HSD17B12: variants seen among roughly 807,000 people sequenced by gnomAD.
The protein encoded by HSD17B12 is hydroxysteroid 17-beta dehydrogenase 12, also known as very-long-chain 3-oxoacyl-CoA reductase.
In HSD17B12, 32 loss-of-function variants were observed where a neutral mutation model predicts 39.3. The ratio of observed to expected loss-of-function variants is 0.81; its 90% CI spans 0.61 to 1.09. The LOEUF (loss-of-function observed/expected upper bound fraction) is 1.09. Ranked by LOEUF, HSD17B12 falls within the 50% of genes least tolerant of loss-of-function variation. The pLI is 0.00. For missense variants in HSD17B12, 342 were observed against 382.9 expected, an observed-to-expected ratio of 0.89 and a Z score of 0.89; for synonymous variants, 150 against 146.7, an observed-to-expected ratio of 1.02 and a Z score of -0.16.
At chr11:43,626,694 T>C in the HSD17B12 span, among the ~76,000 whole-genome samples, 2 of 152,116 alleles carry the variant, frequency 1.3e-5, no homozygotes, top group Non-Finnish European at 1.5e-5. Flanking sequence ...TCAACCCTTA[T>C]GCAAATGAAA....
At chr11:43,624,158 G>A in the HSD17B12 span, among the ~76,000 whole-genome samples, 1 of 151,962 alleles carries the variant, frequency 6.6e-6, no homozygotes, top group African/African-American at 2.4e-5. Flanking sequence ...ACTTCACTCT[G>A]CGAGTTTGAA....
chr11:43,607,536 T>G, the HSD17B12 span, among the ~76,000 whole-genome samples: 1 of 152,242 alleles, frequency 6.6e-6, no homozygotes, highest in African/African-American at 2.4e-5. Flanking sequence ...TGCCAAATAC[T>G]GGTCCAAATG....
intron 6 of HSD17B12, among the ~76,000 whole-genome samples, chr11:43,824,141 G>A (rs963921994): frequency 2.6e-5 from 4 of 152,046 alleles, no homozygotes; most frequent in Non-Finnish European, 4.4e-5. Context: ...AGTAGCTTCC[G>A]GATATATGCA....
chr11:43,777,727 G>T (rs950134498), intron 3 of HSD17B12, among the ~76,000 whole-genome samples: 1 of 152,182 alleles, frequency 6.6e-6, no homozygotes. Context: ...CATTCAGTAT[G>T]ATATTGGCTG....
At chr11:43,610,216 C>A in the HSD17B12 span, among the ~76,000 whole-genome samples, 3 of 152,140 alleles carry the variant, frequency 2.0e-5, no homozygotes, top group Non-Finnish European at 4.4e-5. Flanking sequence ...AGAGACCCAG[C>A]ATAAAACTAT....
the HSD17B12 span, chr11:43,645,142 G>A: frequency 2.0e-5 from 3 of 152,162 alleles, no homozygotes; most frequent in Admixed American, 6.5e-5. Flanking sequence ...ATTGGGTACT[G>A]TTTCAACATT....
chr11:43,736,965 A>G (rs1950321730), intron 1 of HSD17B12, among the ~76,000 whole-genome samples: 1 of 152,216 alleles, frequency 6.6e-6, no homozygotes, highest in Admixed American at 6.5e-5. Flanking sequence ...GATTCCCAAG[A>G]GGAATACTGA....
chr11:43,656,848 G>A, the HSD17B12 span, among the ~76,000 whole-genome samples: 1 of 152,126 alleles, frequency 6.6e-6, no homozygotes, highest in African/African-American at 2.4e-5. Flanking sequence ...GAATAGGTGT[G>A]GTGTGGTACT....
chr11:43,707,605 C>T (rs1415398376), intron 1 of HSD17B12, among the ~76,000 whole-genome samples: 1 of 152,156 alleles, frequency 6.6e-6, no homozygotes, highest in Non-Finnish European at 1.5e-5. Flanking sequence ...AATGGAATTC[C>T]CTCTTCTATT....
At chr11:43,828,247 A>G (rs1207175211) in intron 6 of HSD17B12, among the ~76,000 whole-genome samples, 1 of 144,572 alleles carries the variant, frequency 6.9e-6, no homozygotes, top group African/African-American at 2.6e-5. Flanking sequence ...GGTTCACGCC[A>G]TTCTCCTGCC....
At position 43,695,825 on chromosome 11, in the gene HSD17B12, GATAA is replaced by G. The variant is rs144458224; in HGVS notation, c.160+14850_160+14853del. Among the ~76,000 whole-genome samples the G allele has an allele frequency of 4.6e-5, 7 of 152,242 alleles. No individual in the cohort carries two copies. The East Asian group carries it at 1.3e-3, about 29-fold the overall frequency. ...GTCAGATTGGGTCATTCCTTCAGCA[GATAA>G]ATAAATAAATACATATATTTCTAAC... On this transcript the variant is annotated intron_variant, in intron 1 of 10. Coordinates refer to ENST00000278353, the MANE Select transcript of HSD17B12 (RefSeq NM_016142.3).
At chr11:43,591,477 TAACA>T in the HSD17B12 span, among the ~76,000 whole-genome samples, 19 of 152,282 alleles carry the variant, frequency 1.2e-4, no homozygotes, top group Admixed American at 5.2e-4. Context: ...TCACTTTAAA[TAACA>T]AACAAATGAG....
At chr11:43,717,081 G>A (rs754001277) in intron 1 of HSD17B12, among the ~76,000 whole-genome samples, 1 of 152,100 alleles carries the variant, frequency 6.6e-6, no homozygotes, top group Non-Finnish European at 1.5e-5. Flanking sequence ...TCCAAGTAAC[G>A]ATTTCAAGGA....
chr11:43,630,866 A>C, the HSD17B12 span, among the ~76,000 whole-genome samples: 2 of 147,244 alleles, frequency 1.4e-5, no homozygotes, highest in African/African-American at 5.1e-5. Context: ...GTGCAATGGC[A>C]CAATCTCAGC....
Position 43,840,059 on chromosome 11 carries a change from G to T in HSD17B12, c.679G>T (p.Val227Leu). 6.2e-7 allele frequency: 1 copy of T among 1,611,688 alleles called. No homozygotes were observed. The highest frequency in any genetic ancestry group is 8.5e-7 in the Non-Finnish European group (1 of 1,178,620). The change falls in exon 9 of 11, where the codon GTG becomes TTG. Residue 227 changes from valine to leucine, a missense_variant. Transcript: ENST00000278353. Reference sequence around the variant, plus strand: ...GGAGTATAGGAGCAAGGGCGTCTTTGTGCAGGTGAGTGGAGTTTGTTTCAC... The same window carrying T: ...GGAGTATAGGAGCAAGGGCGTCTTTTTGCAGGTGAGTGGAGTTTGTTTCAC... ...HEEYRSKGVF[V>L]QSVLPYFVAT...
chr11:43,594,223 C>G, the HSD17B12 span, among the ~76,000 whole-genome samples: 1 of 151,824 alleles, frequency 6.6e-6, no homozygotes, highest in Admixed American at 6.6e-5. Context: ...TTAAAAATGT[C>G]CTGAATGAAG....
intron 4 of HSD17B12, among the ~76,000 whole-genome samples, chr11:43,814,401 G>C (rs1001641800): frequency 1.3e-5 from 2 of 152,004 alleles, no homozygotes; most frequent in African/African-American, 4.8e-5. Context: ...TAGGCAGATA[G>C]ATAGATCATC....
intron 3 of HSD17B12, among the ~76,000 whole-genome samples, chr11:43,771,545 C>A (rs1950650072): frequency 7.0e-6 from 1 of 142,948 alleles, no homozygotes; most frequent in Admixed American, 7.4e-5. Flanking sequence ...CAGCTCACTG[C>A]AACCTCCACC....
chr11:43,619,200 T>TATATATATATAAAATATATATATATG, the HSD17B12 span, among the ~76,000 whole-genome samples: 14 of 49,548 alleles, frequency 2.8e-4, no homozygotes, highest in African/African-American at 9.6e-4. Flanking sequence ...ATATATATGA[T>TATATATATATAAAATATATATATATG]ATATATATAT....
Sources: gnomAD v4.1 joint callset for allele counts (sites outside exome capture counted in the v4.1 genomes callset) on GRCh38, gnomAD v4.1.1 for gene constraint, MANE v1.5 for transcripts, NCBI Gene and HGNC (gene_info 2026-07-23, HGNC 2026-07-21) for gene names.